Variants in FSTL5 observed in about 807,000 individuals in gnomAD.
FSTL5 encodes the protein follistatin-related protein 5.
FSTL5 carries 62 observed loss-of-function variants against 89.1 expected under a neutral mutation model. The ratio of observed to expected loss-of-function variants is 0.70; its 90% confidence interval spans 0.57 to 0.86. The LOEUF (loss-of-function observed/expected upper bound fraction) is 0.86, where lower values mean the gene tolerates loss of function less well. Among genes scored for constraint, FSTL5 ranks in the 40% least tolerant of loss-of-function variants. The pLI, the probability that FSTL5 is intolerant of heterozygous loss-of-function variation, is 0.00. For synonymous variants in FSTL5, 383 were observed against 346.2 expected (o/e 1.11, Z -1.18); for missense variants, 1,057 against 1,001.6 (o/e 1.06, Z -0.75).
intron 15 of FSTL5, among the ~76,000 whole-genome samples, chr4:161,401,728 C>G (rs1578945622): frequency 6.6e-6 from 1 of 151,994 alleles, no homozygotes; most frequent in African/African-American, 2.4e-5. Context: ...GGGATTTCAC[C>G]GTGTTAGCCA....
At chr4:161,935,098 G>C (rs545208723) in intron 3 of FSTL5, among the ~76,000 whole-genome samples, 2 of 152,076 alleles carry the variant, frequency 1.3e-5, no homozygotes, top group South Asian at 4.2e-4. Flanking sequence ...GCAATTTCCT[G>C]TGCTCACTGT....
chr4:161,465,693 A>G (rs1733725569), intron 13 of FSTL5, among the ~76,000 whole-genome samples: 1 of 152,188 alleles, frequency 6.6e-6, no homozygotes, highest in African/African-American at 2.4e-5. Flanking sequence ...TTGAACCCCC[A>G]TCATAATAGA....
rs916504369 is a variant in FSTL5 at position 161,404,578 on chromosome 4, G to A, written c.1842-18129C>T. Reference sequence around the variant, plus strand: ...GATGACTTTTTTGTTTTATTTATTCGTTGGCTTTCAGGCATTTAGAAAATC... The same window carrying A: ...GATGACTTTTTTGTTTTATTTATTCATTGGCTTTCAGGCATTTAGAAAATC... On this transcript the variant is annotated intron_variant, in intron 15 of 15. Transcript: ENST00000306100. Among the ~76,000 whole-genome samples the A allele has an allele frequency of 3.3e-5, 5 of 151,892 alleles. 1 individual carries two copies. Among genetic ancestry groups the A allele is most frequent in the South Asian group, 4.1e-4 (2 of 4,826 alleles).
intron 3 of FSTL5, among the ~76,000 whole-genome samples, chr4:161,966,013 G>A (rs1424287416): frequency 6.6e-6 from 1 of 152,066 alleles, no homozygotes; most frequent in African/African-American, 2.4e-5. Flanking sequence ...ATGAATATGT[G>A]TATAAATTTC....
chr4:161,820,588 A>G (rs913103686), intron 4 of FSTL5, among the ~76,000 whole-genome samples: 1 of 152,162 alleles, frequency 6.6e-6, no homozygotes, highest in Admixed American at 6.5e-5. Context: ...TATTTAGCAC[A>G]TGGAAAATTA....
At chr4:161,969,529 A>T (rs2111009124) in intron 3 of FSTL5, among the ~76,000 whole-genome samples, 1 of 152,320 alleles carries the variant, frequency 6.6e-6, no homozygotes, top group Non-Finnish European at 1.5e-5. Context: ...AAATCAAGTT[A>T]TCACATTTCC....
At chr4:161,866,465 AGTGTGTGTGTGTGTGTGT>A (rs70937692) in intron 4 of FSTL5, among the ~76,000 whole-genome samples, 19 of 131,948 alleles carry the variant, frequency 1.4e-4, no homozygotes, top group South Asian at 5.3e-4. Context: ...TCTAAGCTGT[AGTGTGTGTGTGTGTGTGT>A]GTGTGTGTGT....
chr4:161,737,226 A>T (rs1329344300), intron 6 of FSTL5, among the ~76,000 whole-genome samples: 4 of 152,080 alleles, frequency 2.6e-5, no homozygotes, highest in African/African-American at 9.7e-5. Context: ...TCAATATCTG[A>T]CATGTCCATA....
chr4:162,128,394 G>A (rs1159876043), intron 1 of FSTL5, among the ~76,000 whole-genome samples: 1 of 152,134 alleles, frequency 6.6e-6, no homozygotes, highest in Admixed American at 6.5e-5. Context: ...AGGTGATTAG[G>A]TCCTGAGAGC....
chr4:162,080,362 G>A (rs977284453), intron 2 of FSTL5, among the ~76,000 whole-genome samples: 2 of 137,064 alleles, frequency 1.5e-5, no homozygotes, highest in African/African-American at 2.9e-5. Context: ...GGCATAAGCT[G>A]ATTGCTAGAG....
At chr4:161,872,815 T>A (rs114739085) in intron 4 of FSTL5, among the ~76,000 whole-genome samples, 6 of 152,130 alleles carry the variant, frequency 3.9e-5, no homozygotes, top group African/African-American at 1.4e-4. Flanking sequence ...ACAAAAACTA[T>A]AAGGATTATG....
intron 3 of FSTL5, among the ~76,000 whole-genome samples, chr4:161,972,178 C>T (rs1251601562): frequency 5.9e-5 from 9 of 151,984 alleles, no homozygotes; most frequent in East Asian, 5.8e-4. Flanking sequence ...ATGCAACCTC[C>T]GCTTCCCCAT....
intron 5 of FSTL5, among the ~76,000 whole-genome samples, chr4:161,772,791 A>G (rs953748680): frequency 2.6e-5 from 4 of 152,136 alleles, no homozygotes; most frequent in African/African-American, 7.2e-5. Context: ...TATAAATCCA[A>G]TGCAATTCCC....
chr4:161,896,175 A>G (rs1733151175), intron 4 of FSTL5, among the ~76,000 whole-genome samples: 2 of 152,232 alleles, frequency 1.3e-5, no homozygotes, highest in Non-Finnish European at 2.9e-5. Context: ...CAATAACTAC[A>G]TAAACCTTTA....
chr4:161,544,091 T>C (rs1006518190), intron 8 of FSTL5, among the ~76,000 whole-genome samples: 1 of 151,992 alleles, frequency 6.6e-6, no homozygotes, highest in African/African-American at 2.4e-5. Flanking sequence ...CATTTCTCTA[T>C]TGAAGATGTA....
intron 6 of FSTL5, among the ~76,000 whole-genome samples, chr4:161,669,995 G>A (rs1490716007): frequency 1.3e-5 from 2 of 151,866 alleles, no homozygotes; most frequent in Admixed American, 6.6e-5. Context: ...AAAACGTCAG[G>A]TATTTTTTCC....
At chr4:161,488,234 T>G (rs894663452) in intron 12 of FSTL5, among the ~76,000 whole-genome samples, 1 of 152,116 alleles carries the variant, frequency 6.6e-6, no homozygotes, top group Non-Finnish European at 1.5e-5. Flanking sequence ...TCCGATTTCA[T>G]TTATAAATAT....
At chr4:161,713,104 T>A (rs1738855817) in intron 6 of FSTL5, among the ~76,000 whole-genome samples, 1 of 152,160 alleles carries the variant, frequency 6.6e-6, no homozygotes, top group Non-Finnish European at 1.5e-5. Flanking sequence ...AGGGCATAGT[T>A]AATTAATCCA....
intron 3 of FSTL5, among the ~76,000 whole-genome samples, chr4:161,998,635 T>C (rs1736370892): frequency 6.6e-6 from 1 of 152,162 alleles, no homozygotes; most frequent in African/African-American, 2.4e-5. Context: ...TAGTACAATT[T>C]TTCTCTTACA....
Sources: gnomAD v4.1 joint callset for allele counts (sites outside exome capture counted in the v4.1 genomes callset) on GRCh38, gnomAD v4.1.1 for gene constraint, MANE v1.5 for transcripts, NCBI Gene and HGNC (gene_info 2026-07-23, HGNC 2026-07-21) for gene names.